The following TIAM2 variants were observed in gnomAD, a reference collection of about 807,000 sequenced individuals.
TIAM2 encodes rho guanine nucleotide exchange factor TIAM2.
TIAM2 carries 80 observed loss-of-function variants against 152.9 expected under a neutral mutation model. The observed-to-expected ratio is 0.52, with a 90% CI of 0.44 to 0.63. The LOEUF (loss-of-function observed/expected upper bound fraction) is 0.63. TIAM2 is among the 30% of genes least tolerant of loss of function. The pLI is 0.00. For missense variants in TIAM2, 1,965 were observed against 2,120.1 expected, an observed-to-expected ratio of 0.93 and a Z score of 1.44; for synonymous variants, 804 against 838.0, an observed-to-expected ratio of 0.96 and a Z score of 0.70.
At chr6:155,217,587 G>A (rs1325771640) in intron 15 of TIAM2, among the ~76,000 whole-genome samples, 3 of 152,136 alleles carry the variant, frequency 2.0e-5, no homozygotes, top group Admixed American at 1.3e-4. Flanking sequence ...TTTTCTACAA[G>A]GTAAGCAGAG....
chr6:155,071,446 C>G (rs1777835814), intron 1 of TIAM2, among the ~76,000 whole-genome samples: 2 of 152,184 alleles, frequency 1.3e-5, no homozygotes, highest in Non-Finnish European at 2.9e-5. Context: ...ACTCAGTGCC[C>G]AGATATTGTT....
At chr6:155,008,581 C>G (rs1381345736) in intron 1 of TIAM2, among the ~76,000 whole-genome samples, 2 of 135,420 alleles carry the variant, frequency 1.5e-5, no homozygotes, top group Admixed American at 1.7e-4. Context: ...AGGGACCTTC[C>G]TTTTCTGGAA....
At chr6:155,107,721 A>G (rs1021249191) in intron 2 of TIAM2, among the ~76,000 whole-genome samples, 3 of 152,180 alleles carry the variant, frequency 2.0e-5, no homozygotes, top group Non-Finnish European at 4.4e-5. Flanking sequence ...AAACTTTATG[A>G]AAAAGAAATG....
chr6:155,163,674 G>T (rs918069138), intron 7 of TIAM2, among the ~76,000 whole-genome samples: 1 of 152,176 alleles, frequency 6.6e-6, no homozygotes, highest in Non-Finnish European at 1.5e-5. Flanking sequence ...TACTCAGAAT[G>T]AACAGAAACA....
At chr6:155,182,567 C>A (rs1780931619) in intron 13 of TIAM2, among the ~76,000 whole-genome samples, 1 of 151,982 alleles carries the variant, frequency 6.6e-6, no homozygotes, top group African/African-American at 2.4e-5. Context: ...CAAGACCAGC[C>A]TGGGAGACAG....
At chr6:155,188,348 C>T (rs961603915) in intron 14 of TIAM2, among the ~76,000 whole-genome samples, 2 of 152,098 alleles carry the variant, frequency 1.3e-5, no homozygotes, top group Admixed American at 6.5e-5. Context: ...CTGTGAGGAG[C>T]GGAAGAGACA....
At chr6:155,134,149 T>A (rs554370021) in intron 4 of TIAM2, among the ~76,000 whole-genome samples, 251 of 150,536 alleles carry the variant, frequency 1.7e-3, no homozygotes, top group African/African-American at 5.8e-3. Flanking sequence ...ATCGTATGAT[T>A]TGTGTGTGTG....
In TIAM2 at chr6:155,057,388, A is replaced by G. The variant is rs374622387; in HGVS notation, c.-208-32901A>G. The stretch of plus-strand genomic sequence containing the variant: ...GCTAATATGTTTTTGAGAAGACCAC[A>G]GTGGCAAAGTGCCATTGTTATCACG... On this transcript the variant is annotated intron_variant, in intron 1 of 26. Transcript: ENST00000682666. 6.8e-4 allele frequency among the ~76,000 whole-genome samples: 103 copies of G among 151,996 alleles called. No individual in the cohort carries two copies. In the South Asian group the frequency reaches 0.019, roughly 28 times the overall value.
At chr6:155,090,698 C>T (rs562969649) in intron 2 of TIAM2, among the ~76,000 whole-genome samples, 4 of 152,228 alleles carry the variant, frequency 2.6e-5, no homozygotes, top group South Asian at 4.1e-4. Context: ...CTTTAGTTTC[C>T]GTCCTTTTAT....
At chr6:155,127,379 C>T in intron 2 of TIAM2, 111 bp from the exon 3 acceptor site, 1 of 347,580 alleles carries the variant, frequency 2.9e-6, no homozygotes, top group Non-Finnish European at 5.6e-6. Context: ...TTGACAGTGA[C>T]CCTGGACACC....
chr6:155,088,187 T>C (rs1347926079), intron 1 of TIAM2, among the ~76,000 whole-genome samples: 1 of 152,044 alleles, frequency 6.6e-6, no homozygotes, highest in Non-Finnish European at 1.5e-5. Flanking sequence ...CCGGAGTAGC[T>C]GGGATTACAG....
chr6:155,006,262 T>C (rs923158486), intron 1 of TIAM2, among the ~76,000 whole-genome samples: 4 of 152,080 alleles, frequency 2.6e-5, no homozygotes, highest in Non-Finnish European at 5.9e-5. Context: ...GCCCACACTC[T>C]AGTGGTAGGG....
chr6:155,082,666 C>CAATGAATA (rs1554228916), intron 1 of TIAM2, among the ~76,000 whole-genome samples: 1 of 141,348 alleles, frequency 7.1e-6, no homozygotes, highest in South Asian at 2.3e-4. Flanking sequence ...AAAAAAACCC[C>CAATGAATA]AATAAATAAA....
In TIAM2 at chr6:155,183,427, TCTG is replaced by T; in HGVS notation, c.2996_2998del (p.Leu999del). The T allele has an allele frequency of 6.2e-7, 1 of 1,613,926 alleles. No homozygotes were observed. Among genetic ancestry groups the T allele is most frequent in the Non-Finnish European group, 8.5e-7 (1 of 1,179,990 alleles). On this transcript the variant is annotated inframe_deletion, in exon 14 of 27. Transcript: ENST00000682666. ...ACCTGTTCTCCAGGGACCAGAAGAG[TCTG>T]CTGCCCCCTCCTAACCAGTCCCAAC...
At chr6:155,182,183 T>TGG in intron 12 of TIAM2, 43 bp from the exon 13 acceptor site, 1 of 1,528,560 alleles carries the variant, frequency 6.5e-7, no homozygotes, top group Non-Finnish European at 9.1e-7. Context: ...AAATTCAGTG[T>TGG]GGTGGGCTGA....
At position 155,129,578 on chromosome 6, in the gene TIAM2, G is replaced by A; in HGVS notation, c.355G>A (p.Val119Ile). 1.2e-6 allele frequency: 2 copies of A among 1,614,126 alleles called. No homozygotes were observed. Among genetic ancestry groups the A allele is most frequent in the Non-Finnish European group, 1.7e-6 (2 of 1,180,024 alleles). The change falls in exon 4 of 27, where the codon GTT (valine) becomes ATT (isoleucine). Residue 119 changes from valine to isoleucine, a missense_variant. By Grantham distance (29) the Val-to-Ile change is conservative (BLOSUM62 3). This residue lies in a region of TIAM2 where 1,025 missense variants were observed against 1,119.4 expected (regional missense o/e 0.92). Coordinates refer to ENST00000682666, the MANE Select transcript of TIAM2 (RefSeq NM_012454.4). The surrounding 1 kb of genome is among the most constrained non-coding windows in gnomAD (Gnocchi z 4.8). ...AFSTENGFHS[V>I]GHELADNHIT... is the part of the protein sequence containing the mutation. ...CTCAACTGAGAATGGCTTCCACTCT[G>A]TTGGCCACGAGCTGGCAGATAACCA...
rs1781916039 is a variant in TIAM2, at chr6:155,218,240, G to A, written c.3168+6933G>A. The stretch of plus-strand genomic sequence containing the variant: ...CAAACATGCCTATTTCTAAATGCAA[G>A]TTATGTGACTAAATTCCTATTTTAA... On this transcript the variant is annotated intron_variant, in intron 15 of 26. Transcript: ENST00000682666. The surrounding 1 kb of genome is among the most constrained non-coding windows in gnomAD (Gnocchi z 4.5). Among the ~76,000 whole-genome samples, 1 of 152,224 alleles carries A rather than the reference G, an allele frequency of 6.6e-6. No homozygotes were observed. Among genetic ancestry groups the A allele is most frequent in the Non-Finnish European group, 1.5e-5 (1 of 68,044 alleles).
chr6:155,045,266 G>A lies in TIAM2; in HGVS notation c.-208-45023G>A, dbSNP rs372493769. On this transcript the variant is annotated intron_variant, in intron 1 of 26. Transcript: ENST00000682666. ...TTTAGTAGAGATGGGGTTTCATTATGTTGGCCAGATTGGTCTCAAACTCCT... is the reference window on the plus strand; with the variant it reads ...TTTAGTAGAGATGGGGTTTCATTATATTGGCCAGATTGGTCTCAAACTCCT... Among the ~76,000 whole-genome samples the A allele has an allele frequency of 1.8e-4, 27 of 151,992 alleles. No homozygotes were observed. In the South Asian group the frequency reaches 5.6e-3, roughly 32 times the overall value.
intron 1 of TIAM2, among the ~76,000 whole-genome samples, chr6:155,027,517 C>T (rs1404792725): frequency 1.8e-5 from 2 of 110,654 alleles, no homozygotes; most frequent in Non-Finnish European, 3.5e-5. Flanking sequence ...AATATATATA[C>T]TGTGTTACAT....
Sources: allele counts gnomAD v4.1 joint callset (sites outside exome capture counted in the v4.1 genomes callset), GRCh38; gene constraint gnomAD v4.1.1; regional missense constraint gnomAD v4.1.1; non-coding constraint Gnocchi (gnomAD v3.1); transcripts MANE v1.5; gene names NCBI Gene and HGNC (gene_info 2026-07-23, HGNC 2026-07-21).